The following DHX9 variants were observed in gnomAD, a reference collection of about 807,000 sequenced individuals.
DHX9 encodes DExH-box helicase 9.
A neutral mutation model predicts 148.7 loss-of-function variants in DHX9; 27 were observed. The observed-to-expected ratio is 0.18, with a 90% CI of 0.13 to 0.25. The LOEUF (loss-of-function observed/expected upper bound fraction) is 0.25, where lower values mean the gene tolerates loss of function less well. DHX9 is among the 10% of genes least tolerant of loss of function. The probability of loss-of-function intolerance (pLI) is 1.00; values close to 1 mark genes in which losing one functional copy is unlikely to be tolerated. For synonymous variants in DHX9, 529 were observed against 516.6 expected, an observed-to-expected ratio of 1.02 and a Z score of -0.33; for missense variants, 796 against 1,559.6, an observed-to-expected ratio of 0.51 and a Z score of 8.25.
chr1:182,853,278 AT>A, intron 4 of DHX9, 27 bp from the exon 5 acceptor site: 1 of 1,516,308 alleles, frequency 6.6e-7, no homozygotes, highest in Non-Finnish European at 9.1e-7. Flanking sequence ...GTTATGACTC[AT>A]TAAGAGAATT....
chr1:182,849,429 A>G (rs1668091775), intron 3 of DHX9, among the ~76,000 whole-genome samples: 1 of 152,332 alleles, frequency 6.6e-6, no homozygotes, highest in East Asian at 1.9e-4. Context: ...ATTATAATCA[A>G]ACCTAAAAGA....
In DHX9 at chr1:182,876,272, C is replaced by T. The variant is rs1648757080; in HGVS notation, c.2029+9C>T. 5.6e-6 allele frequency: 9 copies of T among 1,611,816 alleles called. No individual in the cohort carries two copies. Among genetic ancestry groups the T allele is most frequent in the Non-Finnish European group, 7.6e-6 (9 of 1,178,594 alleles). ...AATGAATCCACATTTTGGTATGAGT[C>T]TTTGAATTCTCACATATTTGAGAGT... is the stretch of plus-strand genomic sequence containing the variant. On this transcript the variant is annotated intron_variant, in intron 17 of 27. Coordinates refer to ENST00000367549, the MANE Select transcript of DHX9 (RefSeq NM_001357.5).
chr1:182,887,487 T>C lies in DHX9; in HGVS notation c.*53T>C. The C allele has an allele frequency of 6.8e-7, 1 of 1,463,426 alleles. No homozygotes were observed. 90.7% of individuals were successfully genotyped at this position (1,463,426 alleles called of 1,614,324 possible). On this transcript the variant is annotated 3_prime_UTR_variant, in exon 28 of 28. Coordinates refer to ENST00000367549, the MANE Select transcript of DHX9 (RefSeq NM_001357.5). Reference sequence around the variant, plus strand: ...AGACAGTAAGGAAAAAAAGGCATGCTATGTGTTACGTGTTTTTTCCAGTAT... The same window carrying C: ...AGACAGTAAGGAAAAAAAGGCATGCCATGTGTTACGTGTTTTTTCCAGTAT...
intron 7 of DHX9, among the ~76,000 whole-genome samples, chr1:182,857,042 G>T (rs930723562): frequency 6.6e-6 from 1 of 152,104 alleles, no homozygotes. Flanking sequence ...GTGGAGACGG[G>T]GTTTCACCAT....
chr1:182,863,167 A>G (rs781453521), intron 12 of DHX9, among the ~76,000 whole-genome samples: 20 of 152,158 alleles, frequency 1.3e-4, no homozygotes, highest in Non-Finnish European at 2.9e-4. Context: ...TTTGTCGGTT[A>G]TTGTTTTATT....
intron 14 of DHX9, among the ~76,000 whole-genome samples, chr1:182,869,814 G>A (rs1472992687): frequency 6.6e-6 from 1 of 152,182 alleles, no homozygotes; most frequent in African/African-American, 2.4e-5. Context: ...GGCCGAACTG[G>A]TCTCAAACTC....
intron 24 of DHX9, among the ~76,000 whole-genome samples, chr1:182,882,460 T>G (rs1353632328): frequency 6.6e-6 from 1 of 152,194 alleles, no homozygotes; most frequent in Non-Finnish European, 1.5e-5. Flanking sequence ...TCTTAGATTA[T>G]CTCCATCTTC....
chr1:182,866,823 C>G, intron 13 of DHX9, 138 bp from the exon 14 acceptor site: 1 of 777,736 alleles, frequency 1.3e-6, no homozygotes, highest in South Asian at 2.0e-5. Context: ...AGTACACTAT[C>G]ACTTTTTAAT....
intron 11 of DHX9, 55 bp downstream of exon 11, chr1:182,859,172 A>G: frequency 6.6e-7 from 1 of 1,525,958 alleles, no homozygotes; most frequent in Non-Finnish European, 9.1e-7. Flanking sequence ...TGTTCTAGGT[A>G]TGGGTAAAAA....
intron 1 of DHX9, among the ~76,000 whole-genome samples, chr1:182,842,124 A>T (rs1412085624): frequency 6.6e-6 from 1 of 152,148 alleles, no homozygotes; most frequent in African/African-American, 2.4e-5. Context: ...TTTAAATCTT[A>T]GTTTCTTACT....
At chr1:182,845,803 A>G (rs943795762) in intron 3 of DHX9, among the ~76,000 whole-genome samples, 20 of 152,170 alleles carry the variant, frequency 1.3e-4, no homozygotes, top group Non-Finnish European at 2.8e-4. Flanking sequence ...TTACCAGTTT[A>G]TTATAAAGAA....
chr1:182,864,766 GATC>G (rs1648215572), intron 12 of DHX9, among the ~76,000 whole-genome samples: 1 of 152,142 alleles, frequency 6.6e-6, no homozygotes, highest in Admixed American at 6.6e-5. Context: ...AAGTGCTTCT[GATC>G]ATGGTTTCTT....
chr1:182,843,223 C>T, intron 2 of DHX9, 71 bp from the exon 3 acceptor site: 1 of 1,287,258 alleles, frequency 7.8e-7, no homozygotes, highest in Non-Finnish European at 1.0e-6. Context: ...TAATGGACTA[C>T]TGAATTACGA....
intron 18 of DHX9, 37 bp from the exon 19 acceptor site, chr1:182,876,793 G>C (rs922999321): frequency 2.7e-6 from 4 of 1,491,040 alleles, no homozygotes; most frequent in Non-Finnish European, 3.7e-6. Flanking sequence ...TAACTAATAA[G>C]AATATTTTCT....
chr1:182,863,466 A>G (rs1165671206), intron 12 of DHX9, among the ~76,000 whole-genome samples: 3 of 152,312 alleles, frequency 2.0e-5, no homozygotes, highest in Admixed American at 6.5e-5. Flanking sequence ...GTTCTTATTT[A>G]TATTTGAGTA....
At chr1:182,852,384 TATACACA>T in intron 4 of DHX9, 40 bp downstream of exon 4, 1 of 1,391,286 alleles carries the variant, frequency 7.2e-7, no homozygotes, top group Non-Finnish European at 1.0e-6. Flanking sequence ...GAGAATAAGA[TATACACA>T]ATCTTGATCA....
In DHX9 at chr1:182,866,947, T is replaced by G; in HGVS notation, c.1475-14T>G. 1 of 1,598,410 alleles carries G rather than the reference T, an allele frequency of 6.3e-7. No individual in the cohort carries two copies. Reference sequence around the variant, plus strand: ...GAACTTTTCTATAGTTTATTGATTGTTTTTCTTTTCAAGGTGTGCTCCTGA... The same window carrying G: ...GAACTTTTCTATAGTTTATTGATTGGTTTTCTTTTCAAGGTGTGCTCCTGA... On this transcript the variant is annotated splice_polypyrimidine_tract_variant and intron_variant, in intron 13 of 27. Transcript: ENST00000367549.
At position 182,839,359 on chromosome 1, in the gene DHX9, A is replaced by T. The variant is rs542191733; in HGVS notation, c.-120A>T. 1.3e-5 allele frequency: 2 copies of T among 151,888 alleles called. No individual in the cohort carries two copies. The highest frequency in any genetic ancestry group is 1.3e-4 in the Admixed American group (2 of 15,262). The allele number at this position is 151,888 out of a possible 1,614,324, so 9.4% of individuals were successfully genotyped here. On this transcript the variant is annotated 5_prime_UTR_variant, in exon 1 of 28. Transcript: ENST00000367549. ...CGCCGCGGTCGGAGCCATTTCGCCG[A>T]TTCCTCCATGCGAGTTGCTGTGCGT...
rs1346504441 is a variant in DHX9 at position 182,858,619 on chromosome 1, A to G, written c.879A>G (p.Leu293=). ...EHQLQNIIQE[L]NLEILPPPED... ...AGCTGCAAAACATCATTCAAGAGCTAAATCTTGAGATTTTGCCCCCGGTAA... is the reference window on the plus strand; with the variant it reads ...AGCTGCAAAACATCATTCAAGAGCTGAATCTTGAGATTTTGCCCCCGGTAA... Residue 293 remains leucine, a synonymous_variant, in exon 9 of 28, where the codon CTA becomes CTG. Coordinates refer to ENST00000367549, the MANE Select transcript of DHX9 (RefSeq NM_001357.5). The G allele has an allele frequency of 5.6e-6, 9 of 1,609,864 alleles. No individual in the cohort carries two copies. The South Asian group carries it at 8.8e-5, about 16-fold the overall frequency.
Sources: gnomAD v4.1 joint callset for allele counts (sites outside exome capture counted in the v4.1 genomes callset) on GRCh38, gnomAD v4.1.1 for gene constraint, MANE v1.5 for transcripts, NCBI Gene and HGNC (gene_info 2026-07-23, HGNC 2026-07-21) for gene names.